LRRIQ1: variants seen among roughly 807,000 people sequenced by gnomAD.
The protein encoded by LRRIQ1 is leucine-rich repeat- and IQ domain-containing protein 1.
LRRIQ1 carries 210 observed loss-of-function variants against 211.9 expected under a neutral mutation model. That is an observed-to-expected ratio of 0.99 (90% CI 0.89 to 1.11). The LOEUF (loss-of-function observed/expected upper bound fraction) is 1.11, where lower values mean the gene tolerates loss of function less well. Ranked by LOEUF, LRRIQ1 falls within the 50% of genes most tolerant of loss-of-function variation. The probability of loss-of-function intolerance (pLI) is 0.00; values close to 1 mark genes in which losing one functional copy is unlikely to be tolerated. For synonymous variants in LRRIQ1, 699 were observed against 650.1 expected, an observed-to-expected ratio of 1.08 and a Z score of -1.14; for missense variants, 2,136 against 1,939.5, an observed-to-expected ratio of 1.10 and a Z score of -1.90.
intron 24 of LRRIQ1, among the ~76,000 whole-genome samples, chr12:85,180,254 C>T (rs1891911324): frequency 6.6e-6 from 1 of 151,870 alleles, no homozygotes; most frequent in Admixed American, 6.6e-5. Context: ...ATCATTATAA[C>T]CATTGTCCCT....
chr12:85,151,707 G>A (rs1890256370), intron 19 of LRRIQ1, among the ~76,000 whole-genome samples: 1 of 151,318 alleles, frequency 6.6e-6, no homozygotes, highest in African/African-American at 2.4e-5. Context: ...TCCAAATTTG[G>A]GCTTAAATTT....
intron 2 of LRRIQ1, among the ~76,000 whole-genome samples, chr12:85,039,515 A>T (rs967200956): frequency 6.6e-6 from 1 of 151,626 alleles, no homozygotes; most frequent in Non-Finnish European, 1.5e-5. Context: ...TCATTTTATG[A>T]CATATAATTT....
chr12:85,135,783 G>A lies in LRRIQ1; in HGVS notation c.4210-2067G>A, dbSNP rs1449306086. ...TTTAAAATTGTCCTTGCTTTCTAAT[G>A]TGACACAATGTTCCAGGTTCATTTG... On this transcript the variant is annotated intron_variant, in intron 18 of 26. Coordinates refer to ENST00000393217, the MANE Select transcript of LRRIQ1 (RefSeq NM_001079910.2). Among the ~76,000 whole-genome samples, 6 of 90,604 alleles carry A rather than the reference G, an allele frequency of 6.6e-5. No homozygotes were observed. In the East Asian group the frequency reaches 1.5e-3, roughly 22 times the overall value. The allele number at this position is 90,604 out of a possible 152,430, so 59.4% of individuals were successfully genotyped here.
intron 23 of LRRIQ1, among the ~76,000 whole-genome samples, chr12:85,155,454 C>A (rs1194228786): frequency 6.6e-6 from 1 of 151,406 alleles, no homozygotes; most frequent in East Asian, 1.9e-4. Flanking sequence ...GATATAGAAT[C>A]TAGTAGTGTA....
rs2136552586 is a variant in LRRIQ1 at position 85,138,023 on chromosome 12, T to C, written c.4329+54T>C. 5 of 1,055,110 alleles carry C rather than the reference T, an allele frequency of 4.7e-6. No individual in the cohort carries two copies. The East Asian group carries it at 1.3e-4, about 26-fold the overall frequency. The allele number at this position is 1,055,110 out of a possible 1,614,324, so 65.4% of individuals were successfully genotyped here. A position where few individuals can be genotyped will look rare whatever the true frequency, so the allele number is the denominator to read the frequency against. ...TGGTCTTAAAATACATTAAGTGTAC[T>C]ATTTTGAAGATAAACCAGTTTCTAA... On this transcript the variant is annotated intron_variant, in intron 19 of 26. Coordinates refer to ENST00000393217, the MANE Select transcript of LRRIQ1 (RefSeq NM_001079910.2).
intron 13 of LRRIQ1, among the ~76,000 whole-genome samples, chr12:85,099,884 C>T (rs1388757003): frequency 6.6e-6 from 1 of 151,744 alleles, no homozygotes; most frequent in African/African-American, 2.4e-5. Context: ...TACAATTTGA[C>T]ATTGAAAAAC....
intron 24 of LRRIQ1, among the ~76,000 whole-genome samples, chr12:85,200,322 T>G (rs1235880191): frequency 1.3e-5 from 2 of 152,180 alleles, no homozygotes; most frequent in African/African-American, 4.8e-5. Flanking sequence ...GATTTTTGTA[T>G]GCTGACATTT....
chr12:85,195,702 A>G (rs1212114715), intron 24 of LRRIQ1, among the ~76,000 whole-genome samples: 2 of 151,854 alleles, frequency 1.3e-5, no homozygotes, highest in African/African-American at 4.8e-5. Flanking sequence ...ATCTATGACA[A>G]ACCCACAGCC....
At chr12:85,157,619 G>T (rs538361667) in intron 23 of LRRIQ1, among the ~76,000 whole-genome samples, 4 of 152,068 alleles carry the variant, frequency 2.6e-5, no homozygotes, top group African/African-American at 9.6e-5. Context: ...TGTGTAAGGT[G>T]AGAGTTACTG....
chr12:85,123,994 A>T, intron 16 of LRRIQ1, 76 bp from the exon 17 acceptor site: 3 of 1,085,996 alleles, frequency 2.8e-6, no homozygotes, highest in Non-Finnish European at 2.7e-6. Flanking sequence ...ATACAGTGAA[A>T]TTTTCAAAAC....
chr12:85,061,018 G>A (rs1049852744), intron 8 of LRRIQ1, among the ~76,000 whole-genome samples: 1 of 151,806 alleles, frequency 6.6e-6, no homozygotes, highest in Non-Finnish European at 1.5e-5. Context: ...CTCAAGTCAT[G>A]AGAGTCTGAA....
At chr12:85,252,161 C>G (rs906161483) in intron 1 of LRRIQ1, among the ~76,000 whole-genome samples, 1 of 151,202 alleles carries the variant, frequency 6.6e-6, no homozygotes, top group Non-Finnish European at 1.5e-5. Flanking sequence ...TGCTAAAACT[C>G]ATATTAAAGC....
intron 26 of LRRIQ1, among the ~76,000 whole-genome samples, chr12:85,237,965 G>T (rs764851955): frequency 6.6e-6 from 1 of 151,950 alleles, no homozygotes; most frequent in Non-Finnish European, 1.5e-5. Context: ...AACCAAATCA[G>T]ATAACCTTTT....
At chr12:85,119,359 G>C (rs1030322609) in intron 15 of LRRIQ1, among the ~76,000 whole-genome samples, 1 of 151,940 alleles carries the variant, frequency 6.6e-6, no homozygotes, top group African/African-American at 2.4e-5. Context: ...TTTTAGCACT[G>C]AATAATATCC....
chr12:85,058,914 C>G (rs1458509969), intron 8 of LRRIQ1, among the ~76,000 whole-genome samples: 1 of 151,970 alleles, frequency 6.6e-6, no homozygotes, highest in African/African-American at 2.4e-5. Context: ...AAGCAACTAT[C>G]TCAAGCTTTT....
Position 85,052,228 on chromosome 12 carries a change from A to G in LRRIQ1, c.730A>G (p.Lys244Glu), listed in dbSNP as rs774218237. 3.2e-6 allele frequency: 5 copies of G among 1,559,294 alleles called. No homozygotes were observed. The African/African-American group carries it at 5.5e-5, about 17-fold the overall frequency. ...ACTCTATAAAGAAGAGAAAATTTGGAAAGAGAAATTTAAACAGCATGAGGT... is the reference window on the plus strand; with the variant it reads ...ACTCTATAAAGAAGAGAAAATTTGGGAAGAGAAATTTAAACAGCATGAGGT... ...DELYKEEKIW[K>E]EKFKQHEEYI... The change falls in exon 7 of 27, where the codon AAA becomes GAA. Residue 244 changes from lysine to glutamate, a missense_variant. By Grantham distance (56) the Lys-to-Glu change is moderately conservative. Coordinates refer to ENST00000393217, the MANE Select transcript of LRRIQ1 (RefSeq NM_001079910.2).
chr12:85,217,768 G>GTGTGTATATATATAAAA (rs1565910379), intron 24 of LRRIQ1, among the ~76,000 whole-genome samples: 39 of 116,708 alleles, frequency 3.3e-4, no homozygotes, highest in African/African-American at 2.6e-3. Flanking sequence ...TATAAAATGT[G>GTGTGTATATATATAAAA]TGTGTCTCTC....
At chr12:85,079,797 A>G (rs1884076636) in intron 11 of LRRIQ1, among the ~76,000 whole-genome samples, 1 of 151,612 alleles carries the variant, frequency 6.6e-6, no homozygotes, top group Non-Finnish European at 1.5e-5. Context: ...GGTTTGACTG[A>G]GGTTTTAAAT....
chr12:85,249,957 A>G (rs1231827466), downstream of LRRIQ1, among the ~76,000 whole-genome samples: 1 of 151,918 alleles, frequency 6.6e-6, no homozygotes, highest in Non-Finnish European at 1.5e-5. Flanking sequence ...TTTAAATTCC[A>G]TTGTCAACAA....
Sources: allele counts gnomAD v4.1 joint callset (sites outside exome capture counted in the v4.1 genomes callset), GRCh38; gene constraint gnomAD v4.1.1; transcripts MANE v1.5; gene names NCBI Gene and HGNC (gene_info 2026-07-23, HGNC 2026-07-21).